Variants in SLC39A11 observed in about 807,000 individuals in gnomAD.
SLC39A11 encodes zinc transporter ZIP11.
In SLC39A11, 33 loss-of-function variants were observed where a neutral mutation model predicts 36.1. The observed-to-expected ratio is 0.91, with a 90% CI of 0.69 to 1.22. The LOEUF is 1.22. Ranked by LOEUF, SLC39A11 falls within the 50% of genes most tolerant of loss-of-function variation. The pLI, the probability that SLC39A11 is intolerant of heterozygous loss-of-function variation, is 0.00. For synonymous variants in SLC39A11, 166 were observed against 170.3 expected (o/e 0.97, Z 0.20); for missense variants, 432 against 430.3 (o/e 1.00, Z -0.03).
At chr17:73,084,315 T>A (rs554857517) in intron 3 of SLC39A11, among the ~76,000 whole-genome samples, 8 of 151,852 alleles carry the variant, frequency 5.3e-5, no homozygotes, top group Admixed American at 5.3e-4. Context: ...CACATGCCTG[T>A]AGTCCCAGCT....
rs1425536755 is a variant in SLC39A11 at position 72,860,554 on chromosome 17, C to T, written c.431-10750G>A. The stretch of plus-strand genomic sequence containing the variant: ...AGGTGGGGGCACAGGTGGGGACAAC[C>T]TAAGTTGCTGGCATGCTGGACAAAG... On this transcript the variant is annotated intron_variant, in intron 5 of 9. Transcript: ENST00000255559. 3.3e-5 allele frequency among the ~76,000 whole-genome samples: 5 copies of T among 152,132 alleles called. No homozygotes were observed. The South Asian group carries it at 1.0e-3, about 32-fold the overall frequency.
intron 7 of SLC39A11, among the ~76,000 whole-genome samples, chr17:72,733,972 A>G (rs972030904): frequency 2.6e-5 from 4 of 152,156 alleles, no homozygotes; most frequent in African/African-American, 9.7e-5. Flanking sequence ...TTGTGTCAAC[A>G]GGCACAACAC....
At chr17:73,045,598 G>A (rs74352059) in intron 3 of SLC39A11, among the ~76,000 whole-genome samples, 12,431 of 152,026 alleles carry the variant, frequency 0.082, 666 homozygotes, top group Middle Eastern at 0.13. Context: ...GTCTAATAAC[G>A]CTTAGGCTTT....
intron 4 of SLC39A11, among the ~76,000 whole-genome samples, chr17:72,980,708 T>A (rs953772840): frequency 3.9e-5 from 6 of 152,070 alleles, no homozygotes; most frequent in African/African-American, 1.4e-4. Context: ...GCTGAAAAGA[T>A]TAAAGCGGCA....
chr17:72,762,593 T>C (rs559260072), intron 6 of SLC39A11, among the ~76,000 whole-genome samples: 2 of 152,340 alleles, frequency 1.3e-5, no homozygotes, highest in East Asian at 1.9e-4. Flanking sequence ...GCCATTCTTT[T>C]ATTCCTTTAC....
chr17:72,713,675 T>G (rs1290986323), intron 7 of SLC39A11, among the ~76,000 whole-genome samples: 5 of 152,172 alleles, frequency 3.3e-5, no homozygotes, highest in African/African-American at 1.2e-4. Flanking sequence ...CTATATCTAA[T>G]TGGACCCCAA....
intron 3 of SLC39A11, among the ~76,000 whole-genome samples, chr17:73,070,648 A>T (rs2015294): frequency 0.3 from 45,979 of 151,982 alleles, 7,903 homozygotes; most frequent in East Asian, 0.8. Flanking sequence ...CCTTATCTTC[A>T]ATTGTAGCTT....
chr17:72,683,229 A>G (rs1380435969), intron 7 of SLC39A11, among the ~76,000 whole-genome samples: 2 of 152,216 alleles, frequency 1.3e-5, no homozygotes, highest in Non-Finnish European at 2.9e-5. Context: ...AGAAGGAAGG[A>G]TGAACCGAAA....
chr17:72,665,389 GTTTTTTT>G (rs780329919), intron 7 of SLC39A11, among the ~76,000 whole-genome samples: 2 of 76,636 alleles, frequency 2.6e-5, no homozygotes, highest in Non-Finnish European at 4.8e-5. Flanking sequence ...GTTTTGAGGT[GTTTTTTT>G]TTTTTTTTTT....
At chr17:72,881,969 C>T (rs529079195) in intron 5 of SLC39A11, among the ~76,000 whole-genome samples, 50 of 152,314 alleles carry the variant, frequency 3.3e-4, no homozygotes, top group African/African-American at 1.1e-3. Flanking sequence ...ATGACATCTG[C>T]TAGAGGTGGT....
intron 6 of SLC39A11, among the ~76,000 whole-genome samples, chr17:72,749,499 A>G (rs2075068257): frequency 6.6e-6 from 1 of 152,214 alleles, no homozygotes; most frequent in African/African-American, 2.4e-5. Flanking sequence ...GGGACAACCT[A>G]AGCAGCTCTG....
At chr17:72,794,390 T>C (rs1598761573) in intron 6 of SLC39A11, among the ~76,000 whole-genome samples, 2 of 152,240 alleles carry the variant, frequency 1.3e-5, no homozygotes, top group South Asian at 2.1e-4. Context: ...ATCCTTCTGT[T>C]GGGTCCCAGC....
intron 3 of SLC39A11, among the ~76,000 whole-genome samples, chr17:73,048,228 A>G (rs2059384968): frequency 6.6e-6 from 1 of 151,148 alleles, no homozygotes; most frequent in African/African-American, 2.4e-5. Context: ...TCTTTTTCCC[A>G]TCTTTATGTC....
intron 4 of SLC39A11, among the ~76,000 whole-genome samples, chr17:72,983,888 C>T (rs959771246): frequency 3.9e-5 from 6 of 152,070 alleles, no homozygotes; most frequent in African/African-American, 7.2e-5. Flanking sequence ...ACCATCTGGG[C>T]AAGGCTCCAA....
chr17:73,053,760 C>T (rs989087789), intron 3 of SLC39A11, among the ~76,000 whole-genome samples: 4 of 152,224 alleles, frequency 2.6e-5, no homozygotes, highest in African/African-American at 9.6e-5. Flanking sequence ...CGACCGCCCC[C>T]TGCCCTGAGC....
intron 5 of SLC39A11, among the ~76,000 whole-genome samples, chr17:72,855,219 C>A (rs2079575228): frequency 6.6e-6 from 1 of 152,198 alleles, no homozygotes; most frequent in South Asian, 2.1e-4. Context: ...GAACATCTTG[C>A]TAGATAAATG....
At position 73,081,701 on chromosome 17, in the gene SLC39A11, G is replaced by GTA. The variant is rs762425161; in HGVS notation, c.147+3105_147+3106dup. On this transcript the variant is annotated intron_variant, in intron 3 of 9. Transcript: ENST00000255559. ...TATACACATATATGTATATATGTAT[G>GTA]TATATATATACACATATATGTATAT... 5.7e-3 allele frequency among the ~76,000 whole-genome samples: 650 copies of GTA among 114,750 alleles called. 7 individuals are homozygous for GTA. The highest frequency in any genetic ancestry group is 9.0e-3 in the Non-Finnish European group (426 of 47,232). The allele number at this position is 114,750 out of a possible 152,430, so 75.3% of individuals were successfully genotyped here.
chr17:73,012,917 G>A (rs1037925021), intron 4 of SLC39A11, among the ~76,000 whole-genome samples: 1 of 151,788 alleles, frequency 6.6e-6, no homozygotes, highest in Non-Finnish European at 1.5e-5. Context: ...TCCTGTCTCA[G>A]CCTCTGGAGT....
At chr17:72,922,485 A>G (rs2083730761) in intron 5 of SLC39A11, among the ~76,000 whole-genome samples, 1 of 152,364 alleles carries the variant, frequency 6.6e-6, no homozygotes, top group South Asian at 2.1e-4. Context: ...TGGGGTTGAG[A>G]TGTGTGCATA....
Sources: allele counts gnomAD v4.1 joint callset (sites outside exome capture counted in the v4.1 genomes callset), GRCh38; gene constraint gnomAD v4.1.1; transcripts MANE v1.5; gene names NCBI Gene and HGNC (gene_info 2026-07-23, HGNC 2026-07-21).